CCDC12: variants seen among roughly 807,000 people sequenced by gnomAD.
CCDC12 encodes the protein coiled-coil domain-containing protein 12.
CCDC12 carries 28 observed loss-of-function variants against 25.7 expected under a neutral mutation model. The ratio of observed to expected loss-of-function variants is 1.09; its 90% CI spans 0.81 to 1.50. CCDC12 has a LOEUF of 1.50. Ranked by LOEUF, CCDC12 falls within the 40% of genes most tolerant of loss-of-function variation. The pLI is 0.00. For synonymous variants in CCDC12, 75 were observed against 87.7 expected (o/e 0.86, Z 0.81); for missense variants, 198 against 210.0 (o/e 0.94, Z 0.35).
At chr3:46,964,479 T>G (rs941410310) in intron 1 of CCDC12, among the ~76,000 whole-genome samples, 3 of 152,368 alleles carry the variant, frequency 2.0e-5, no homozygotes, top group Admixed American at 6.5e-5. Flanking sequence ...GAACGGGCCA[T>G]GATGACAATG....
intron 1 of CCDC12, among the ~76,000 whole-genome samples, chr3:46,942,573 C>T (rs1377063138): frequency 6.6e-6 from 1 of 152,232 alleles, no homozygotes; most frequent in Non-Finnish European, 1.5e-5. Flanking sequence ...TATGTGGAGA[C>T]TGCAGGCATC....
At chr3:46,941,447 C>T (rs2107139230) in intron 1 of CCDC12, among the ~76,000 whole-genome samples, 1 of 152,180 alleles carries the variant, frequency 6.6e-6, no homozygotes, top group South Asian at 2.1e-4. Context: ...CGCCTGTAGT[C>T]CCAGCTATTC....
chr3:46,923,108 C>T (rs1216501526), intron 5 of CCDC12: 1 of 421,582 alleles, frequency 2.4e-6, no homozygotes, highest in African/African-American at 2.0e-5. Flanking sequence ...CATGAGGGGC[C>T]TGCTGCTCCC....
At chr3:46,938,153 C>A (rs2033528796) in intron 2 of CCDC12, among the ~76,000 whole-genome samples, 2 of 151,808 alleles carry the variant, frequency 1.3e-5, no homozygotes, top group South Asian at 4.2e-4. Context: ...GAAGCAGAAC[C>A]CAATTCAATG....
chr3:46,976,232 G>A (rs1240753004), intron 1 of CCDC12: 1 of 827,004 alleles, frequency 1.2e-6, no homozygotes, highest in Non-Finnish European at 1.5e-6. Context: ...GCCGGACTGG[G>A]GAGTCTGTCT....
intron 1 of CCDC12, chr3:46,976,236 TC>T (rs543602086): frequency 8.0e-6 from 7 of 872,300 alleles, no homozygotes; most frequent in Non-Finnish European, 9.8e-6. Context: ...GACTGGGGAG[TC>T]TGTCTGACTC....
chr3:46,936,097 A>T (rs1296559854), intron 2 of CCDC12, among the ~76,000 whole-genome samples: 1 of 152,210 alleles, frequency 6.6e-6, no homozygotes, highest in Non-Finnish European at 1.5e-5. Context: ...GGCTCCCTCC[A>T]ATCCTGCTGG....
At chr3:46,930,595 G>C (rs1056234520) in intron 2 of CCDC12, among the ~76,000 whole-genome samples, 2 of 152,172 alleles carry the variant, frequency 1.3e-5, no homozygotes, top group African/African-American at 4.8e-5. Flanking sequence ...CTCTCCACAG[G>C]AGCAGACACA....
In CCDC12 at chr3:46,923,214, T is replaced by C. The variant is rs927241907; in HGVS notation, c.341+115A>G. ...ACAGTAGCTATCTCGTGTAACTCTA[T>C]GTCTGTACTGCCAGTCTCTGCACTG... On this transcript the variant is annotated intron_variant, in intron 5 of 6. Transcript: ENST00000683445. 5 of 1,079,276 alleles carry C rather than the reference T, an allele frequency of 4.6e-6. No individual in the cohort carries two copies. In the South Asian group the frequency reaches 7.4e-5, roughly 16 times the overall value. The allele number at this position is 1,079,276 out of a possible 1,614,324, so 66.9% of individuals were successfully genotyped here.
chr3:46,947,789 T>C (rs529308262), intron 1 of CCDC12, among the ~76,000 whole-genome samples: 69 of 152,100 alleles, frequency 4.5e-4, no homozygotes, highest in Non-Finnish European at 8.1e-4. Flanking sequence ...GGTAGAGGAG[T>C]GCACAGGAGC....
intron 1 of CCDC12, among the ~76,000 whole-genome samples, chr3:46,967,467 G>GC (rs1316391036): frequency 6.6e-6 from 1 of 152,084 alleles, no homozygotes; most frequent in Non-Finnish European, 1.5e-5. Flanking sequence ...AACATGCCAA[G>GC]CTAGTCTTGC....
intron 1 of CCDC12, among the ~76,000 whole-genome samples, chr3:46,974,797 GAC>G (rs2034914361): frequency 6.6e-6 from 1 of 152,128 alleles, no homozygotes; most frequent in East Asian, 1.9e-4. Context: ...CACACTGAAG[GAC>G]ACAGTTTTCA....
intron 1 of CCDC12, among the ~76,000 whole-genome samples, chr3:46,957,960 T>TACACAC (rs367926661): frequency 0.052 from 3,334 of 64,702 alleles, 181 homozygotes; most frequent in East Asian, 0.39. Flanking sequence ...AAAAAATAAA[T>TACACAC]ACACACACAC....
At chr3:46,969,916 T>C (rs1159461912) in intron 1 of CCDC12, among the ~76,000 whole-genome samples, 2 of 151,646 alleles carry the variant, frequency 1.3e-5, no homozygotes, top group Middle Eastern at 3.4e-3. Flanking sequence ...TTTTTTTTTT[T>C]TTTTGAGACA....
chr3:46,957,998 T>TAC (rs1559561558), intron 1 of CCDC12, among the ~76,000 whole-genome samples: 3 of 41,922 alleles, frequency 7.2e-5, no homozygotes, highest in African/African-American at 1.1e-4. Context: ...CACACACACA[T>TAC]ATATATGTAA....
At chr3:46,922,479 C>T (rs897989516) in intron 5 of CCDC12, 167 bp from the exon 6 acceptor site, 3 of 667,200 alleles carry the variant, frequency 4.5e-6, no homozygotes, top group Non-Finnish European at 7.8e-6. Context: ...CCTCCGAAAC[C>T]CAGCATAAAC....
rs80156286 is a variant in CCDC12 at position 46,929,142 on chromosome 3, G to C, written c.165-3607C>G. Among the ~76,000 whole-genome samples the C allele has an allele frequency of 5.8e-3, 886 of 152,284 alleles. 11 individuals are homozygous for C. The highest frequency in any genetic ancestry group is 0.021 in the African/African-American group (858 of 41,538). ...GTTCTAAGGTCCTAAGCACTGTAGA[G>C]GAAATGGTAAAAATACTACTATTTT... is the stretch of plus-strand genomic sequence containing the variant. On this transcript the variant is annotated intron_variant, in intron 2 of 6. Coordinates refer to ENST00000683445, the MANE Select transcript of CCDC12 (RefSeq NM_001277074.2).
At chr3:46,958,324 A>G (rs2034361394) in intron 1 of CCDC12, among the ~76,000 whole-genome samples, 1 of 152,226 alleles carries the variant, frequency 6.6e-6, no homozygotes, top group African/African-American at 2.4e-5. Flanking sequence ...GAAGGTCTTC[A>G]GGACTCAGAT....
At chr3:46,964,652 C>T (rs1274519512) in intron 1 of CCDC12, among the ~76,000 whole-genome samples, 2 of 152,048 alleles carry the variant, frequency 1.3e-5, no homozygotes, top group Admixed American at 1.3e-4. Context: ...ATGACCTTAC[C>T]CCCAACCCCA....
Sources: gnomAD v4.1 joint callset for allele counts (sites outside exome capture counted in the v4.1 genomes callset) on GRCh38, gnomAD v4.1.1 for gene constraint, MANE v1.5 for transcripts, NCBI Gene and HGNC (gene_info 2026-07-23, HGNC 2026-07-21) for gene names.